Variants in CDC45 observed in about 807,000 individuals in gnomAD.
CDC45 encodes cell division cycle 45.
In CDC45, 54 loss-of-function variants were observed where a neutral mutation model predicts 77.8. That is an observed-to-expected ratio of 0.69 (90% CI 0.56 to 0.87). CDC45 has a LOEUF of 0.87. Among genes scored for constraint, CDC45 ranks in the 40% least tolerant of loss-of-function variants. CDC45 has a pLI of 0.00. For missense variants in CDC45, 649 were observed against 721.6 expected, an observed-to-expected ratio of 0.90 and a Z score of 1.15; for synonymous variants, 260 against 272.1, an observed-to-expected ratio of 0.96 and a Z score of 0.44.
intron 10 of CDC45, among the ~76,000 whole-genome samples, chr22:19,506,673 G>A (rs1016784816): frequency 6.6e-6 from 1 of 152,206 alleles, no homozygotes; most frequent in Non-Finnish European, 1.5e-5. Context: ...TGTGGCTCAC[G>A]CCTGTAATCC....
Position 19,507,337 on chromosome 22 carries a change from G to A in CDC45, c.825-49G>A, listed in dbSNP as rs773023018. The A allele has an allele frequency of 1.1e-5, 18 of 1,600,664 alleles. No individual in the cohort carries two copies. The South Asian group carries it at 1.4e-4, about 13-fold the overall frequency. ...GCCCACCTGCTGGAGTTACGAGAGTGCTCAGGGCGGCCAGTGGGTGCTTGC... is the reference window on the plus strand; with the variant it reads ...GCCCACCTGCTGGAGTTACGAGAGTACTCAGGGCGGCCAGTGGGTGCTTGC... On this transcript the variant is annotated intron_variant, in intron 10 of 18. Transcript: ENST00000263201.
chr22:19,483,822 G>C (rs752947617), intron 4 of CDC45, 40 bp from the exon 5 acceptor site: 1 of 1,579,534 alleles, frequency 6.3e-7, no homozygotes, highest in East Asian at 2.3e-5. Flanking sequence ...GTTTTCCGTA[G>C]AAAGAGGAGA....
intron 5 of CDC45, among the ~76,000 whole-genome samples, chr22:19,489,499 G>A (rs1317280835): frequency 3.9e-5 from 6 of 152,102 alleles, no homozygotes; most frequent in Non-Finnish European, 7.3e-5. Context: ...ACAGTATGTA[G>A]CCTTTTGGGA....
intron 5 of CDC45, among the ~76,000 whole-genome samples, chr22:19,486,746 G>A (rs976603066): frequency 2.0e-4 from 30 of 152,152 alleles, no homozygotes; most frequent in Admixed American, 5.2e-4. Flanking sequence ...GCAGTGGTAC[G>A]ATCTCGGCTC....
chr22:19,494,465 CT>C, intron 6 of CDC45, 83 bp downstream of exon 6: 1 of 1,583,060 alleles, frequency 6.3e-7, no homozygotes, highest in Non-Finnish European at 8.6e-7. Flanking sequence ...CTCTGACTTC[CT>C]GTCTCAGGAT....
chr22:19,479,720 G>C (rs1448084169), upstream of CDC45: 1 of 677,074 alleles, frequency 1.5e-6, no homozygotes, highest in Non-Finnish European at 2.7e-6. Context: ...GGGGGCAACA[G>C]TGTTTGCGTT....
chr22:19,481,868 C>T (rs1161168868), intron 3 of CDC45, among the ~76,000 whole-genome samples: 3 of 152,090 alleles, frequency 2.0e-5, no homozygotes, highest in African/African-American at 4.8e-5. Context: ...GACGGGGTTT[C>T]GCCACATTGG....
rs13447230 is a variant in CDC45 at position 19,499,025 on chromosome 22, C to T, written c.654-76C>T. ...AGTGCTGAGCTTGGGCCCGTTCCAT[C>T]ATCTCACTCCATCCCCCAGGCCTCA... On this transcript the variant is annotated intron_variant, in intron 8 of 18. Transcript: ENST00000263201. 7.9e-4 allele frequency: 1,171 copies of T among 1,477,822 alleles called. 8 individuals carry two copies. The African/African-American group carries it at 0.015, about 19-fold the overall frequency. The allele number at this position is 1,477,822 out of a possible 1,614,324, so 91.5% of individuals were successfully genotyped here.
At chr22:19,507,237 A>G (rs567654782) in intron 10 of CDC45, 149 bp from the exon 11 acceptor site, 73 of 893,906 alleles carry the variant, frequency 8.2e-5, no homozygotes, top group South Asian at 4.8e-4. Flanking sequence ...AAGAAGGTCA[A>G]AGGGCTCCAG....
intron 5 of CDC45, 81 bp from the exon 6 acceptor site, chr22:19,494,246 C>A: frequency 7.5e-7 from 1 of 1,336,412 alleles, no homozygotes. Context: ...TGACTTCTGC[C>A]AAATTGGAAC....
At position 19,507,824 on chromosome 22, in the gene CDC45, A is replaced by G; in HGVS notation, c.1015A>G (p.Asn339Asp). 1 of 1,600,168 alleles carries G rather than the reference A, an allele frequency of 6.2e-7. No individual in the cohort carries two copies. Among genetic ancestry groups the G allele is most frequent in the Non-Finnish European group, 8.5e-7 (1 of 1,176,050 alleles). Residue 339 changes from asparagine to aspartate, a missense_variant, in exon 12 of 19, where the codon AAT becomes GAT. Coordinates refer to ENST00000263201, the MANE Select transcript of CDC45 (RefSeq NM_003504.5). Reference sequence around the variant, plus strand: ...GGCCATGGACATCTCCTTGAAGGAGAATTTGCGGGAAATGATTGAAGAGTC... The same window carrying G: ...GGCCATGGACATCTCCTTGAAGGAGGATTTGCGGGAAATGATTGAAGAGTC... ...FQAMDISLKE[N>D]LREMIEESAN...
Position 19,482,839 on chromosome 22 carries a change from G to A in CDC45, c.342+12G>A, listed in dbSNP as rs772475687. ...ACAACGATACCCAGGTACTTTTTGT[G>A]CTATGCCCTCAAACTGTCTGTACTT... is the stretch of plus-strand genomic sequence containing the variant. On this transcript the variant is annotated intron_variant, in intron 4 of 18. Transcript: ENST00000263201. 2.5e-6 allele frequency: 4 copies of A among 1,613,386 alleles called. No homozygotes were observed. The highest frequency in any genetic ancestry group is 3.4e-6 in the Non-Finnish European group (4 of 1,179,436).
At chr22:19,515,992 G>C (rs1933764195) in intron 15 of CDC45, among the ~76,000 whole-genome samples, 1 of 152,180 alleles carries the variant, frequency 6.6e-6, no homozygotes, top group African/African-American at 2.4e-5. Context: ...TGGGCTGTAG[G>C]GTGTGGGTGC....
In CDC45 at chr22:19,505,448, C is replaced by G. The variant is rs151279621; in HGVS notation, c.791C>G (p.Ser264Cys). 1 of 1,614,044 alleles carries G rather than the reference C, an allele frequency of 6.2e-7. No individual in the cohort carries two copies. The highest frequency in any genetic ancestry group is 1.3e-5 in the African/African-American group (1 of 74,944). Residue 264 changes from serine to cysteine, a missense_variant, in exon 10 of 19, where the codon TCC (serine) becomes TGC (cysteine). Coordinates refer to ENST00000263201, the MANE Select transcript of CDC45 (RefSeq NM_003504.5). ...HRNEDEENTL[S>C]VDCTRISFEY... ...AACGAGGATGAGGAGAACACACTCT[C>G]CGTGGACTGCACACGGATCTCCTTT...
At chr22:19,508,052 G>A (rs1412995877) in intron 12 of CDC45, among the ~76,000 whole-genome samples, 188 bp downstream of exon 12, 2 of 152,136 alleles carry the variant, frequency 1.3e-5, no homozygotes, top group Non-Finnish European at 2.9e-5. Flanking sequence ...CTGAAGTCTT[G>A]AGTTCTTTTT....
chr22:19,496,429 A>G (rs1313691654), intron 7 of CDC45, among the ~76,000 whole-genome samples: 1 of 152,222 alleles, frequency 6.6e-6, no homozygotes, highest in Non-Finnish European at 1.5e-5. Context: ...AAAACCTACT[A>G]TGTCAATAGT....
chr22:19,505,064 T>A (rs1933086477), intron 9 of CDC45: 1 of 396,402 alleles, frequency 2.5e-6, no homozygotes, highest in African/African-American at 2.0e-5. Flanking sequence ...ACTTACGGAG[T>A]CTGTCATCTT....
chr22:19,487,047 A>G (rs1904751573), intron 5 of CDC45, among the ~76,000 whole-genome samples: 1 of 151,604 alleles, frequency 6.6e-6, no homozygotes. Flanking sequence ...TAATCCCAAC[A>G]CTTTGGGAGG....
intron 15 of CDC45, 125 bp downstream of exon 15, chr22:19,515,173 TC>T: frequency 1.3e-6 from 1 of 782,792 alleles, no homozygotes; most frequent in Non-Finnish European, 2.0e-6. Context: ...TCTAGGCACA[TC>T]CATTACTTTT....
Sources: gnomAD v4.1 joint callset for allele counts (sites outside exome capture counted in the v4.1 genomes callset) on GRCh38, gnomAD v4.1.1 for gene constraint, MANE v1.5 for transcripts, NCBI Gene and HGNC (gene_info 2026-07-23, HGNC 2026-07-21) for gene names.